Variants in IGF2R observed in about 807,000 individuals in gnomAD.
IGF2R encodes the protein cation-independent mannose-6-phosphate receptor.
A neutral mutation model predicts 270.6 loss-of-function variants in IGF2R; 91 were observed. The ratio of observed to expected loss-of-function variants is 0.34; its 90% CI spans 0.28 to 0.40. The LOEUF (loss-of-function observed/expected upper bound fraction) is 0.40. Ranked by LOEUF, IGF2R falls within the 10% of genes least tolerant of loss-of-function variation. The pLI, the probability that IGF2R is intolerant of heterozygous loss-of-function variation, is 1.00. For synonymous variants in IGF2R, 1,316 were observed against 1,258.9 expected (o/e 1.05, Z -0.96); for missense variants, 2,805 against 3,188.3 (o/e 0.88, Z 2.90).
intron 43 of IGF2R, 94 bp downstream of exon 43, chr6:160,089,347 A>G: frequency 8.7e-7 from 1 of 1,155,730 alleles, no homozygotes; most frequent in Admixed American, 2.5e-5. Flanking sequence ...TGCAGGATAA[A>G]TAGGTCTGTG....
At chr6:159,978,985 A>G (rs1433996237) in intron 1 of IGF2R, among the ~76,000 whole-genome samples, 1 of 152,102 alleles carries the variant, frequency 6.6e-6, no homozygotes, top group Non-Finnish European at 1.5e-5. Context: ...GGATGGTGGA[A>G]GTACTGGCCC....
At position 160,084,432 on chromosome 6, in the gene IGF2R, G is replaced by T. The variant is rs1287929391; in HGVS notation, c.6068+248G>T. On this transcript the variant is annotated intron_variant, in intron 40 of 47. Coordinates refer to ENST00000356956, the MANE Select transcript of IGF2R (RefSeq NM_000876.4). This position sits in a 1 kb window ranked among gnomAD's most constrained non-coding sequence, Gnocchi z 4.6. ...GGAAACGGAGCCTCTGGAGCTGGAA[G>T]AACCTGGGCGGACTGAGTTAGGCTG... 6.6e-6 allele frequency among the ~76,000 whole-genome samples: 1 copy of T among 152,194 alleles called. No homozygotes were observed. Among genetic ancestry groups the T allele is most frequent in the East Asian group, 1.9e-4 (1 of 5,196 alleles).
chr6:159,994,298 A>G lies in IGF2R; in HGVS notation c.289+2975A>G, dbSNP rs185939440. ...TTGTCTTTCCATAGTATCAATGTCT[A>G]CTTTTTCATTTCTGATTGTGCTTAT... On this transcript the variant is annotated intron_variant, in intron 2 of 47. Transcript: ENST00000356956. Among the ~76,000 whole-genome samples, 23 of 151,566 alleles carry G rather than the reference A, an allele frequency of 1.5e-4. No homozygotes were observed. In the East Asian group the frequency reaches 3.5e-3, roughly 23 times the overall value.
intron 3 of IGF2R, among the ~76,000 whole-genome samples, chr6:160,010,170 C>T (rs933189911): frequency 3.9e-5 from 6 of 152,160 alleles, no homozygotes; most frequent in African/African-American, 1.4e-4. Context: ...TCCTGCTGTG[C>T]TTGTGTCATC....
chr6:160,067,585 A>T (rs1003694388), intron 29 of IGF2R, among the ~76,000 whole-genome samples: 2 of 152,054 alleles, frequency 1.3e-5, no homozygotes, highest in African/African-American at 4.8e-5. Context: ...ACCAGTTTTT[A>T]TTCCCCTCTG....
intron 4 of IGF2R, among the ~76,000 whole-genome samples, chr6:160,015,603 G>A (rs184248020): frequency 3.4e-4 from 52 of 152,342 alleles, no homozygotes; most frequent in Middle Eastern, 6.8e-3. Flanking sequence ...AAACTGTACT[G>A]CAAAGATGTG....
chr6:160,084,657 G>A lies in IGF2R; in HGVS notation c.6069-338G>A, dbSNP rs1779059918. Among the ~76,000 whole-genome samples the A allele has an allele frequency of 6.6e-6, 1 of 152,084 alleles. No individual in the cohort carries two copies. On this transcript the variant is annotated intron_variant, in intron 40 of 47. Transcript: ENST00000356956. The surrounding 1 kb of genome is among the most constrained non-coding windows in gnomAD (Gnocchi z 4.6). The stretch of plus-strand genomic sequence containing the variant: ...GGGCATGGACTCACAGGGTTTAAGT[G>A]GTTCTAAGTGAGGTGGGAAACTTGC...
intron 5 of IGF2R, 36 bp from the exon 6 acceptor site, chr6:160,027,149 C>T (rs889440694): frequency 1.2e-6 from 2 of 1,612,748 alleles, no homozygotes; most frequent in African/African-American, 2.7e-5. Context: ...TCACTCCTAA[C>T]ACCTAATCTG....
At chr6:160,099,379 A>ATGTTAT (rs1554250520) in intron 45 of IGF2R, among the ~76,000 whole-genome samples, 1 of 146,108 alleles carries the variant, frequency 6.8e-6, no homozygotes, top group East Asian at 1.9e-4. Flanking sequence ...ATGTTATGTT[A>ATGTTAT]TTTTTTTGAG....
intron 11 of IGF2R, among the ~76,000 whole-genome samples, chr6:160,041,585 T>A (rs964951814): frequency 5.3e-5 from 8 of 152,120 alleles, no homozygotes; most frequent in African/African-American, 1.9e-4. Flanking sequence ...TCTCCACATG[T>A]ATCTTGTTTT....
chr6:160,017,998 C>A (rs1328708471), intron 4 of IGF2R, among the ~76,000 whole-genome samples: 2 of 152,116 alleles, frequency 1.3e-5, no homozygotes, highest in Non-Finnish European at 2.9e-5. Flanking sequence ...AATAAAACCT[C>A]ACATATTAAT....
At chr6:160,083,861 C>CT in intron 39 of IGF2R, 89 bp from the exon 40 acceptor site, 1 of 921,834 alleles carries the variant, frequency 1.1e-6, no homozygotes. Flanking sequence ...AAGTACAGGG[C>CT]TTTTTCAAAA....
intron 25 of IGF2R, 123 bp from the exon 26 acceptor site, chr6:160,062,409 T>C (rs112973532): frequency 1.4e-6 from 1 of 710,134 alleles, no homozygotes; most frequent in African/African-American, 1.8e-5. Context: ...CCTGAACTTG[T>C]GATCCACCCG....
intron 7 of IGF2R, among the ~76,000 whole-genome samples, chr6:160,031,318 AATTT>A (rs1443352807): frequency 2.0e-5 from 3 of 152,104 alleles, no homozygotes; most frequent in Non-Finnish European, 2.9e-5. Flanking sequence ...TGCTTTATTT[AATTT>A]ATTTATTGGG....
chr6:160,107,680 C>G lies in IGF2R; in HGVS notation c.*2596C>G, dbSNP rs1020669723. ...GGTGCTAAAGATGGAATAGGCAAAC[C>G]CCACACCAAGGAAATCCACAGTGAA... is the stretch of plus-strand genomic sequence containing the variant. On this transcript the variant is annotated 3_prime_UTR_variant, in exon 48 of 48. Coordinates refer to ENST00000356956, the MANE Select transcript of IGF2R (RefSeq NM_000876.4). 1 of 152,100 alleles carries G rather than the reference C, an allele frequency of 6.6e-6. No individual in the cohort carries two copies. The highest frequency in any genetic ancestry group is 2.1e-4 in the South Asian group (1 of 4,814). The allele number at this position is 152,100 out of a possible 1,614,324, so 9.4% of individuals were successfully genotyped here.
At chr6:160,006,105 G>C in intron 2 of IGF2R, 1 of 144,900 alleles carries the variant, frequency 6.9e-6, no homozygotes. Context: ...ACGCCTCCCT[G>C]TACCCTGCAT....
chr6:160,048,538 G>A lies in IGF2R; in HGVS notation c.2509G>A (p.Asp837Asn). ...GGCTTGCCAGATGAAGTATGAAAAAGATCAGGTGAATCTGTTTTCACTGCT... is the reference window on the plus strand; with the variant it reads ...GGCTTGCCAGATGAAGTATGAAAAAAATCAGGTGAATCTGTTTTCACTGCT... ...ASACQMKYEK[D>N]QGSFTEVVSI... The change falls in exon 18 of 48, where the codon GAT becomes AAT. Residue 837 changes from aspartate (D) to asparagine (N), a missense_variant. Coordinates refer to ENST00000356956, the MANE Select transcript of IGF2R (RefSeq NM_000876.4). The A allele has an allele frequency of 6.2e-7, 1 of 1,613,532 alleles. No individual in the cohort carries two copies.
At chr6:160,094,299 G>T in intron 44 of IGF2R, 1 of 255,184 alleles carries the variant, frequency 3.9e-6, no homozygotes, top group East Asian at 9.7e-5. Context: ...GTCTGAGAAA[G>T]TAAGATAGGG....
intron 9 of IGF2R, 90 bp from the exon 10 acceptor site, chr6:160,034,329 G>A (rs1481098846): frequency 5.5e-5 from 43 of 779,752 alleles, no homozygotes; most frequent in East Asian, 4.6e-4. Flanking sequence ...TTGATGCTAC[G>A]CAAAAGGCTT....
Sources: gnomAD v4.1 joint callset for allele counts (sites outside exome capture counted in the v4.1 genomes callset) on GRCh38, gnomAD v4.1.1 for gene constraint, Gnocchi (gnomAD v3.1) non-coding constraint, MANE v1.5 for transcripts, NCBI Gene and HGNC (gene_info 2026-07-23, HGNC 2026-07-21) for gene names.